TBC1D5: variants seen among roughly 807,000 people sequenced by gnomAD.
TBC1D5 encodes the protein TBC1 domain family, member 5.
A neutral mutation model predicts 100.3 loss-of-function variants in TBC1D5; 75 were observed. That is an observed-to-expected ratio of 0.75 (90% CI 0.62 to 0.91). The LOEUF is 0.91. Among genes scored for constraint, TBC1D5 ranks in the 40% least tolerant of loss-of-function variants. The pLI is 0.00. For missense variants in TBC1D5, 910 were observed against 942.4 expected (o/e 0.97, Z 0.45); for synonymous variants, 323 against 325.6 (o/e 0.99, Z 0.09).
chr3:17,715,891 TA>T (rs2153950945), intron 1 of TBC1D5, among the ~76,000 whole-genome samples: 1 of 152,070 alleles, frequency 6.6e-6, no homozygotes, highest in South Asian at 2.1e-4. Context: ...ACCCCATCTC[TA>T]CTAAAAATAT....
chr3:17,416,665 A>T (rs2094081397), intron 4 of TBC1D5, among the ~76,000 whole-genome samples: 1 of 152,220 alleles, frequency 6.6e-6, no homozygotes, highest in Non-Finnish European at 1.5e-5. Flanking sequence ...AGACTATTAG[A>T]TATGGATATA....
chr3:17,344,301 G>A (rs998258614), intron 13 of TBC1D5, among the ~76,000 whole-genome samples: 13 of 152,038 alleles, frequency 8.6e-5, no homozygotes, highest in Non-Finnish European at 1.8e-4. Flanking sequence ...AATCATGAGT[G>A]AACTCCCATT....
At chr3:17,627,448 A>T (rs1162830950) in intron 1 of TBC1D5, among the ~76,000 whole-genome samples, 3 of 152,216 alleles carry the variant, frequency 2.0e-5, no homozygotes, top group Non-Finnish European at 1.5e-5. Flanking sequence ...ATTATACTAC[A>T]CTAACAAAAT....
intron 1 of TBC1D5, among the ~76,000 whole-genome samples, chr3:17,671,976 A>G (rs185903396): frequency 6.6e-6 from 1 of 152,362 alleles, no homozygotes; most frequent in East Asian, 1.9e-4. Context: ...TTTTATTTCA[A>G]GAAGAAATAC....
intron 16 of TBC1D5, among the ~76,000 whole-genome samples, chr3:17,241,113 C>T (rs891040548): frequency 3.9e-5 from 6 of 151,962 alleles, no homozygotes; most frequent in South Asian, 2.1e-4. Flanking sequence ...ATGTGTCTTC[C>T]GGATATAAGC....
At chr3:17,399,428 C>T (rs1282576822) in intron 8 of TBC1D5, among the ~76,000 whole-genome samples, 1 of 152,118 alleles carries the variant, frequency 6.6e-6, no homozygotes, top group Non-Finnish European at 1.5e-5. Context: ...GAAAACTACA[C>T]ATAATGATCC....
chr3:17,545,551 T>C (rs1410105554), intron 2 of TBC1D5, among the ~76,000 whole-genome samples: 1 of 152,216 alleles, frequency 6.6e-6, no homozygotes, highest in Non-Finnish European at 1.5e-5. Context: ...ACATACTGCA[T>C]CAAGTCCTGA....
intron 1 of TBC1D5, among the ~76,000 whole-genome samples, chr3:17,706,713 C>T (rs2074218039): frequency 6.6e-6 from 1 of 151,716 alleles, no homozygotes; most frequent in Admixed American, 6.6e-5. Context: ...CATAATTATG[C>T]ATAATTATAT....
chr3:17,418,134 T>C lies in TBC1D5; in HGVS notation c.167+10316A>G, dbSNP rs929458149. 3.3e-5 allele frequency among the ~76,000 whole-genome samples: 5 copies of C among 152,324 alleles called. No individual in the cohort carries two copies. The East Asian group carries it at 9.6e-4, about 29-fold the overall frequency. On this transcript the variant is annotated intron_variant, in intron 4 of 21. Transcript: ENST00000253692. ...CAGATACAAGGACATCTTTTACATT[T>C]CAAATATTCTGTCATTTGCAGGTTA...
At position 17,658,282 on chromosome 3, in the gene TBC1D5, C is replaced by T. The variant is rs139056360; in HGVS notation, c.-100-34369G>A. On this transcript the variant is annotated intron_variant, in intron 1 of 21. Coordinates refer to ENST00000253692, the Ensembl canonical transcript of TBC1D5. Reference sequence around the variant, plus strand: ...ATTCATTCAATTAGCTATTTGATTTCCTGCTATATATACTACTATTACTGT... The same window carrying T: ...ATTCATTCAATTAGCTATTTGATTTTCTGCTATATATACTACTATTACTGT... 7.3e-3 allele frequency among the ~76,000 whole-genome samples: 1,119 copies of T among 152,306 alleles called. 10 individuals carry two copies. The highest frequency in any genetic ancestry group is 0.048 in the Middle Eastern group (14 of 294).
At chr3:17,724,211 C>G (rs2075935537) in intron 1 of TBC1D5, among the ~76,000 whole-genome samples, 1 of 151,598 alleles carries the variant, frequency 6.6e-6, no homozygotes, top group African/African-American at 2.4e-5. Context: ...AATGGCTGTG[C>G]CTATGGTCTC....
At chr3:17,160,378 C>CT (rs561313272) in exon 22 of TBC1D5, 87 of 146,108 alleles carry the variant, frequency 6.0e-4, no homozygotes, top group African/African-American at 1.3e-3. Flanking sequence ...GAGGTTTTTT[C>CT]TTTTTTTTTT....
At chr3:17,590,094 A>G (rs535389593) in intron 2 of TBC1D5, among the ~76,000 whole-genome samples, 31 of 152,312 alleles carry the variant, frequency 2.0e-4, no homozygotes, top group Admixed American at 7.2e-4. Context: ...CTAGACCTAT[A>G]ACTAGACTAA....
At chr3:17,298,509 T>C (rs2082490169) in intron 14 of TBC1D5, among the ~76,000 whole-genome samples, 1 of 152,090 alleles carries the variant, frequency 6.6e-6, no homozygotes, top group South Asian at 2.1e-4. Context: ...CAACAATATG[T>C]GGAAGCAAAC....
chr3:17,273,038 A>G (rs983315200), intron 15 of TBC1D5, among the ~76,000 whole-genome samples: 4 of 151,684 alleles, frequency 2.6e-5, no homozygotes, highest in African/African-American at 9.7e-5. Flanking sequence ...TTATTTTTTT[A>G]TGTCACTGTT....
chr3:17,245,088 G>A (rs1023562562), intron 16 of TBC1D5, among the ~76,000 whole-genome samples: 7 of 151,368 alleles, frequency 4.6e-5, no homozygotes, highest in African/African-American at 9.7e-5. Flanking sequence ...AGCTACTTGA[G>A]GGGCTAAGGT....
intron 15 of TBC1D5, among the ~76,000 whole-genome samples, chr3:17,263,234 A>G (rs1359404444): frequency 6.6e-6 from 1 of 151,728 alleles, no homozygotes; most frequent in East Asian, 1.9e-4. Context: ...ATGGTGGCAC[A>G]TGCCTGTAGT....
At chr3:17,353,004 A>G (rs2090821167) in intron 13 of TBC1D5, among the ~76,000 whole-genome samples, 1 of 152,098 alleles carries the variant, frequency 6.6e-6, no homozygotes, top group Non-Finnish European at 1.5e-5. Context: ...CTTGCTAAGT[A>G]ATTTTTGAAT....
At chr3:17,639,207 G>A (rs529611979) in intron 1 of TBC1D5, among the ~76,000 whole-genome samples, 19 of 152,100 alleles carry the variant, frequency 1.2e-4, no homozygotes, top group African/African-American at 2.2e-4. Flanking sequence ...AAGAAATTAC[G>A]GATACCATGC....
Sources: allele counts gnomAD v4.1 joint callset (sites outside exome capture counted in the v4.1 genomes callset), GRCh38; gene constraint gnomAD v4.1.1; transcripts MANE v1.5; gene names NCBI Gene and HGNC (gene_info 2026-07-23, HGNC 2026-07-21).